Variants in TBC1D8 observed in about 807,000 individuals in gnomAD.
TBC1D8 encodes TBC1 domain family member 8, also known as BUB2-like protein 1.
Under a neutral mutation model 118.8 loss-of-function variants are expected in TBC1D8, and 65 were observed. That is an observed-to-expected ratio of 0.55 (90% confidence interval 0.45 to 0.67). The LOEUF is 0.67. TBC1D8 is among the 30% of genes least tolerant of loss of function. The pLI is 0.00. For missense variants in TBC1D8, 1,376 were observed against 1,471.2 expected (o/e 0.94, Z 1.06); for synonymous variants, 566 against 595.8 (o/e 0.95, Z 0.73).
chr2:101,129,289 C>T (rs1015635186), intron 1 of TBC1D8, among the ~76,000 whole-genome samples: 9 of 151,968 alleles, frequency 5.9e-5, no homozygotes, highest in African/African-American at 9.7e-5. Context: ...TCCAGGCACA[C>T]GCCACCACAC....
intron 17 of TBC1D8, among the ~76,000 whole-genome samples, 156 bp downstream of exon 17, chr2:101,021,525 G>C (rs905902194): frequency 4.6e-5 from 7 of 152,148 alleles, no homozygotes; most frequent in African/African-American, 1.7e-4. Flanking sequence ...GTGCAGCACA[G>C]AACTCCAAAC....
At chr2:101,079,490 T>C (rs1009765747) in intron 2 of TBC1D8, among the ~76,000 whole-genome samples, 8 of 152,058 alleles carry the variant, frequency 5.3e-5, no homozygotes, top group African/African-American at 1.9e-4. Context: ...TCCTCCCGCC[T>C]TAGCCTCTTG....
At chr2:101,042,235 G>C (rs1320862108) in intron 5 of TBC1D8, among the ~76,000 whole-genome samples, 1 of 152,048 alleles carries the variant, frequency 6.6e-6, no homozygotes, top group African/African-American at 2.4e-5. Context: ...CTGATTTTTG[G>C]CTCTGAAACC....
intron 2 of TBC1D8, among the ~76,000 whole-genome samples, chr2:101,079,888 G>A (rs1675147492): frequency 6.6e-6 from 1 of 151,776 alleles, no homozygotes; most frequent in African/African-American, 2.4e-5. Context: ...GGGTTTCACT[G>A]TGTTAGCTAG....
intron 2 of TBC1D8, among the ~76,000 whole-genome samples, chr2:101,085,274 T>G (rs1252495400): frequency 6.6e-6 from 1 of 152,136 alleles, no homozygotes; most frequent in African/African-American, 2.4e-5. Flanking sequence ...AGTTGAATGC[T>G]GTGTGGCCAT....
At chr2:101,135,097 G>A (rs965568983) in intron 1 of TBC1D8, among the ~76,000 whole-genome samples, 28 of 152,260 alleles carry the variant, frequency 1.8e-4, no homozygotes, top group African/African-American at 6.0e-4. Flanking sequence ...GCATGAACCC[G>A]GGAGGCAGAG....
chr2:101,008,698 G>GCTA (rs1046770045), intron 19 of TBC1D8, among the ~76,000 whole-genome samples: 9 of 152,066 alleles, frequency 5.9e-5, no homozygotes, highest in Admixed American at 5.9e-4. Context: ...TGCAATCCCA[G>GCTA]CTACTTGGGA....
intron 13 of TBC1D8, 38 bp from the exon 14 acceptor site, chr2:101,028,184 C>T (rs1233724782): frequency 1.2e-6 from 2 of 1,611,300 alleles, no homozygotes; most frequent in Admixed American, 1.7e-5. Flanking sequence ...CAGTCCCCTG[C>T]TCATCCAAAG....
intron 2 of TBC1D8, among the ~76,000 whole-genome samples, chr2:101,070,648 G>A (rs1683262527): frequency 1.3e-5 from 2 of 152,084 alleles, no homozygotes; most frequent in Admixed American, 1.3e-4. Flanking sequence ...CCTGACCTCA[G>A]GTGATCTGCC....
At chr2:101,019,904 T>TA (rs35987226) in intron 17 of TBC1D8, among the ~76,000 whole-genome samples, 28,231 of 149,938 alleles carry the variant, frequency 0.19, 2,813 homozygotes, top group Middle Eastern at 0.32. Context: ...CTATCTCTGC[T>TA]AAAAAAAAAT....
intron 1 of TBC1D8, among the ~76,000 whole-genome samples, chr2:101,149,310 ACT>A (rs1679449169): frequency 6.6e-6 from 1 of 152,064 alleles, no homozygotes; most frequent in South Asian, 2.1e-4. Context: ...CATCACAGAG[ACT>A]CTGGACAACA....
At chr2:101,058,907 T>G (rs1413094093) in intron 3 of TBC1D8, among the ~76,000 whole-genome samples, 3 of 52,862 alleles carry the variant, frequency 5.7e-5, no homozygotes, top group African/African-American at 1.2e-4. Flanking sequence ...CTTTTTTATT[T>G]TTTATTTTTT....
rs371549773 is a variant in TBC1D8 at position 101,050,667 on chromosome 2, T to C, written c.632-26A>G. The stretch of plus-strand genomic sequence containing the variant: ...CTGTAAGAGAAAAGGGTGAAATACC[T>C]ATTATGCCATGAAATTTGAGCCAAA... On this transcript the variant is annotated intron_variant, in intron 4 of 19. Coordinates refer to ENST00000409318, the MANE Select transcript of TBC1D8 (RefSeq NM_001330348.2). The C allele has an allele frequency of 3.7e-5, 59 of 1,601,618 alleles. No individual in the cohort carries two copies. In the African/African-American group the frequency reaches 7.6e-4, roughly 21 times the overall value.
chr2:101,073,409 C>T (rs1674603956), intron 2 of TBC1D8, among the ~76,000 whole-genome samples: 1 of 151,826 alleles, frequency 6.6e-6, no homozygotes, highest in Non-Finnish European at 1.5e-5. Flanking sequence ...ATTCTCCTGG[C>T]TCAGCCTCCC....
intron 11 of TBC1D8, among the ~76,000 whole-genome samples, chr2:101,030,904 T>C (rs1680633128): frequency 6.6e-6 from 1 of 152,176 alleles, no homozygotes; most frequent in Non-Finnish European, 1.5e-5. Flanking sequence ...TCCTCCATGA[T>C]TACATTTATA....
intron 1 of TBC1D8, among the ~76,000 whole-genome samples, chr2:101,123,326 T>C (rs1678210507): frequency 6.6e-6 from 1 of 152,176 alleles, no homozygotes; most frequent in African/African-American, 2.4e-5. Context: ...ATGCCTTTTA[T>C]TTCTTTCTCT....
chr2:101,119,566 C>T (rs979166468), intron 1 of TBC1D8, among the ~76,000 whole-genome samples: 2 of 152,210 alleles, frequency 1.3e-5, no homozygotes, highest in East Asian at 3.9e-4. Context: ...GCAGAGCCGG[C>T]CTGGGCCCCA....
intron 17 of TBC1D8, among the ~76,000 whole-genome samples, chr2:101,015,814 C>G (rs78524330): frequency 6.6e-6 from 1 of 152,264 alleles, no homozygotes; most frequent in South Asian, 2.1e-4. Flanking sequence ...GAAAAACAAG[C>G]AATGGGGAAA....
At chr2:101,026,481 CCCTGCAGTCACTGA>C (rs1402782391) in intron 15 of TBC1D8, among the ~76,000 whole-genome samples, 16 of 152,280 alleles carry the variant, frequency 1.1e-4, no homozygotes, top group African/African-American at 3.9e-4. Context: ...AACCCAACAA[CCCTGCAGTCACTGA>C]CTGCGGGGAA....
Sources: allele counts gnomAD v4.1 joint callset (sites outside exome capture counted in the v4.1 genomes callset), GRCh38; gene constraint gnomAD v4.1.1; transcripts MANE v1.5; gene names NCBI Gene and HGNC (gene_info 2026-07-23, HGNC 2026-07-21).